Variants in KIF4A observed in about 807,000 individuals in gnomAD.
KIF4A encodes kinesin family member 4A, also known as chromosome-associated kinesin KIF4A.
In KIF4A, 7 loss-of-function variants were observed where a neutral mutation model predicts 105.9. That is an observed-to-expected ratio of 0.07 (90% CI 0.04 to 0.12). The LOEUF (loss-of-function observed/expected upper bound fraction) is 0.12, where lower values mean the gene tolerates loss of function less well. Ranked by LOEUF, KIF4A falls within the 10% of genes least tolerant of loss-of-function variation. The pLI, the probability that KIF4A is intolerant of heterozygous loss-of-function variation, is 1.00. For synonymous variants in KIF4A, 281 were observed against 331.3 expected, an observed-to-expected ratio of 0.85 and a Z score of 1.65; for missense variants, 558 against 929.2, an observed-to-expected ratio of 0.60 and a Z score of 5.19.
At chrX:70,414,454 G>T (rs2086335085) in intron 28 of KIF4A, among the ~76,000 whole-genome samples, 1 of 111,811 alleles carries the variant, frequency 8.9e-6, no homozygotes. Context: ...AACAAGGGAG[G>T]TGTTTATCAC....
chrX:70,373,851 C>T (rs1015560238), intron 15 of KIF4A, among the ~76,000 whole-genome samples: 10 of 97,491 alleles, frequency 1.0e-4, no homozygotes, highest in Admixed American at 2.4e-4. Flanking sequence ...CACACATACA[C>T]ACACACACAC....
At chrX:70,362,154 G>T in intron 15 of KIF4A, 1 of 229,433 alleles carries the variant, frequency 4.4e-6, no homozygotes. Flanking sequence ...AGTCTCTAGT[G>T]ACTTATGAGG....
chrX:70,343,829 C>T (rs1453564431), intron 12 of KIF4A, 48 bp from the exon 13 acceptor site: 1 of 1,184,346 alleles, frequency 8.4e-7, no homozygotes, highest in East Asian at 3.0e-5. Flanking sequence ...GAGCCTCTGG[C>T]CTTTGTCATA....
intron 5 of KIF4A, 70 bp from the exon 6 acceptor site, chrX:70,301,830 C>G (rs2085805658): frequency 9.0e-7 from 1 of 1,113,696 alleles, no homozygotes; most frequent in East Asian, 3.0e-5. Flanking sequence ...TTTAAACCAC[C>G]AATCCCTATA....
intron 15 of KIF4A, among the ~76,000 whole-genome samples, chrX:70,357,472 C>A (rs761455946): frequency 8.9e-6 from 1 of 112,086 alleles, no homozygotes; most frequent in Non-Finnish European, 1.9e-5. Flanking sequence ...CAGTTTGGGA[C>A]CATCATCCTG....
intron 4 of KIF4A, 130 bp downstream of exon 4, chrX:70,297,318 T>A: frequency 1.7e-6 from 1 of 581,731 alleles, no homozygotes; most frequent in Non-Finnish European, 2.7e-6. Context: ...AGAGAAAACT[T>A]ACTGACTCAG....
chrX:70,334,498 CTATT>C (rs1204658246), intron 10 of KIF4A, among the ~76,000 whole-genome samples: 1 of 112,228 alleles, frequency 8.9e-6, no homozygotes, highest in African/African-American at 3.2e-5. Flanking sequence ...CATCTGCAAT[CTATT>C]TATTTACTTG....
intron 3 of KIF4A, among the ~76,000 whole-genome samples, chrX:70,292,190 A>G (rs956282737): frequency 8.9e-6 from 1 of 112,053 alleles, no homozygotes; most frequent in Admixed American, 9.4e-5. Context: ...CAATACAACC[A>G]TCAAAACAAT....
chrX:70,417,844 C>G (rs764033215), intron 28 of KIF4A, 44 bp from the exon 29 acceptor site: 10 of 1,071,727 alleles, frequency 9.3e-6, no homozygotes, highest in Middle Eastern at 2.9e-4. Flanking sequence ...AACTAGTCTT[C>G]TAACCCTTTC....
chrX:70,290,378 C>T (rs2085753612), intron 1 of KIF4A, 60 bp from the exon 2 acceptor site: 1 of 1,142,210 alleles, frequency 8.8e-7, no homozygotes, highest in South Asian at 2.1e-5. Context: ...GGGAGGACGC[C>T]CTCCCACCCC....
chrX:70,327,655 G>A (rs781709455), intron 7 of KIF4A, among the ~76,000 whole-genome samples: 1 of 111,857 alleles, frequency 8.9e-6, no homozygotes, highest in South Asian at 3.8e-4. Flanking sequence ...CTGCCATGGT[G>A]AATTAGATTA....
At chrX:70,416,380 TC>T (rs2086344947) in intron 28 of KIF4A, among the ~76,000 whole-genome samples, 1 of 86,251 alleles carries the variant, frequency 1.2e-5, no homozygotes, top group Non-Finnish European at 2.2e-5. Context: ...TGAGACGAGG[TC>T]TCACTCTGTC....
intron 13 of KIF4A, among the ~76,000 whole-genome samples, chrX:70,349,452 C>T (rs1343180423): frequency 9.9e-6 from 1 of 101,106 alleles, no homozygotes; most frequent in Admixed American, 1.0e-4. Flanking sequence ...CTCCCCACTT[C>T]CCTGACGGGG....
At chrX:70,304,777 G>A (rs2085820203) in intron 7 of KIF4A, among the ~76,000 whole-genome samples, 1 of 105,197 alleles carries the variant, frequency 9.5e-6, no homozygotes, top group Non-Finnish European at 1.9e-5. Flanking sequence ...TACTGCCTCA[G>A]CCTCCCATAG....
rs774181758 is a variant in KIF4A at position 70,367,244 on chromosome X, G to A, written c.1675-6907G>A. Among the ~76,000 whole-genome samples, 60 of 110,563 alleles carry A rather than the reference G, an allele frequency of 5.4e-4. 1 individual carries two copies. The highest frequency in any genetic ancestry group is 1.9e-3 in the African/African-American group (58 of 30,335). ...GTCTTTTAATTGGAGCATTTAGCCC[G>A]TTAACATTTAAGGTTAATATTGTTA... On this transcript the variant is annotated intron_variant, in intron 15 of 30. Coordinates refer to ENST00000374403, the MANE Select transcript of KIF4A (RefSeq NM_012310.5).
intron 29 of KIF4A, 94 bp from the exon 30 acceptor site, chrX:70,419,567 C>T (rs2086358115): frequency 1.8e-6 from 2 of 1,084,738 alleles, no homozygotes; most frequent in Non-Finnish European, 2.6e-6. Flanking sequence ...TAATCAGGCA[C>T]TTAGAGCTGT....
chrX:70,323,568 A>C (rs1286942230), intron 7 of KIF4A, among the ~76,000 whole-genome samples: 1 of 111,487 alleles, frequency 9.0e-6, no homozygotes, highest in Non-Finnish European at 1.9e-5. Context: ...ATGCTCACAT[A>C]GTGGGTTTTC....
At chrX:70,299,706 T>C (rs772345438) in intron 5 of KIF4A, among the ~76,000 whole-genome samples, 14 of 111,591 alleles carry the variant, frequency 1.3e-4, no homozygotes, top group Non-Finnish European at 2.3e-4. Flanking sequence ...TGGATATGAT[T>C]GAACATATCT....
At chrX:70,357,231 G>A (rs984708973) in intron 15 of KIF4A, among the ~76,000 whole-genome samples, 1 of 111,303 alleles carries the variant, frequency 9.0e-6, no homozygotes, top group South Asian at 3.8e-4. Flanking sequence ...GGAGAATGGC[G>A]TGAACCCAGG....
Sources: allele counts gnomAD v4.1 joint callset (sites outside exome capture counted in the v4.1 genomes callset), GRCh38; gene constraint gnomAD v4.1.1; transcripts MANE v1.5; gene names NCBI Gene and HGNC (gene_info 2026-07-23, HGNC 2026-07-21).